Variants in VPS41 observed in about 807,000 individuals in gnomAD.
The protein encoded by VPS41 is vacuolar protein sorting-associated protein 41 homolog.
VPS41 carries 85 observed loss-of-function variants against 130.9 expected under a neutral mutation model. The ratio of observed to expected loss-of-function variants is 0.65; its 90% CI spans 0.55 to 0.78. VPS41 has a LOEUF of 0.78. Among genes scored for constraint, VPS41 ranks in the 30% least tolerant of loss-of-function variants. VPS41 has a pLI of 0.00. For synonymous variants in VPS41, 335 were observed against 332.9 expected (o/e 1.01, Z -0.07); for missense variants, 874 against 1,018.7 (o/e 0.86, Z 1.93).
rs190854225 is a variant in VPS41, at chr7:38,802,623, C to T, written c.451-5759G>A. Among the ~76,000 whole-genome samples the T allele has an allele frequency of 8.5e-5, 13 of 152,260 alleles. No individual in the cohort carries two copies. The East Asian group carries it at 2.1e-3, about 25-fold the overall frequency. ...TTTCTGACAAGAATGCCAAGGAAAG[C>T]TTTGCTTTGGTGATTTAAGAAAACA... is the stretch of plus-strand genomic sequence containing the variant. On this transcript the variant is annotated intron_variant, in intron 7 of 28. Transcript: ENST00000310301.
chr7:38,748,899 T>G (rs543106892), intron 22 of VPS41, among the ~76,000 whole-genome samples: 1 of 152,258 alleles, frequency 6.6e-6, no homozygotes, highest in East Asian at 1.9e-4. Flanking sequence ...TCCCTAAGAC[T>G]TGGCTTGTCA....
chr7:38,907,710 T>C (rs1032723782), intron 1 of VPS41, among the ~76,000 whole-genome samples: 2 of 152,224 alleles, frequency 1.3e-5, no homozygotes, highest in Non-Finnish European at 2.9e-5. Context: ...TAGGTTTTTT[T>C]CAATGGAAGA....
intron 7 of VPS41, among the ~76,000 whole-genome samples, chr7:38,815,237 A>T (rs1441442215): frequency 6.6e-6 from 1 of 152,110 alleles, no homozygotes; most frequent in Admixed American, 6.5e-5. Context: ...CAGCCTGGCC[A>T]ACATGGTAAA....
intron 10 of VPS41, among the ~76,000 whole-genome samples, chr7:38,785,064 T>C (rs940849046): frequency 2.6e-5 from 4 of 152,174 alleles, no homozygotes; most frequent in African/African-American, 4.8e-5. Context: ...TGAAAATGCA[T>C]TGAGGGCCCT....
chr7:38,861,648 A>G (rs1786116548), intron 4 of VPS41, among the ~76,000 whole-genome samples: 1 of 152,312 alleles, frequency 6.6e-6, no homozygotes, highest in Admixed American at 6.5e-5. Flanking sequence ...TCTCCTTTCT[A>G]AACTATATCA....
At position 38,829,983 on chromosome 7, in the gene VPS41, G is replaced by A. The variant is rs1415772730; in HGVS notation, c.321+271C>T. Among the ~76,000 whole-genome samples the A allele has an allele frequency of 2.6e-5, 4 of 152,310 alleles. No individual in the cohort carries two copies. The East Asian group carries it at 5.8e-4, about 22-fold the overall frequency. ...CTAGTCACTGAAGCAGAAGTGGCAC[G>A]GTAGTAATGATTAAGGTGACACGTC... is the stretch of plus-strand genomic sequence containing the variant. On this transcript the variant is annotated intron_variant, in intron 5 of 28. Transcript: ENST00000310301.
chr7:38,766,564 A>G (rs969811641), intron 15 of VPS41, among the ~76,000 whole-genome samples: 3 of 152,226 alleles, frequency 2.0e-5, no homozygotes, highest in African/African-American at 7.2e-5. Context: ...CCTTTAGGAC[A>G]AAAGGCAGAC....
At chr7:38,757,295 G>T (rs1562574245) in intron 18 of VPS41, among the ~76,000 whole-genome samples, 1 of 152,084 alleles carries the variant, frequency 6.6e-6, no homozygotes, top group Admixed American at 6.5e-5. Context: ...AAGAAACTAG[G>T]ATCCAGGATG....
intron 5 of VPS41, among the ~76,000 whole-genome samples, chr7:38,822,973 T>C (rs1398650920): frequency 6.6e-6 from 1 of 152,190 alleles, no homozygotes; most frequent in Admixed American, 6.5e-5. Flanking sequence ...GTCTTTCTAG[T>C]CTCTAGTATA....
At chr7:38,745,835 A>C in intron 22 of VPS41, 1 of 474,984 alleles carries the variant, frequency 2.1e-6, no homozygotes, top group Non-Finnish European at 3.7e-6. Flanking sequence ...ATTTGAAGCT[A>C]CTCAGAACAT....
At chr7:38,762,985 C>T (rs2115778344) in intron 17 of VPS41, among the ~76,000 whole-genome samples, 1 of 152,170 alleles carries the variant, frequency 6.6e-6, no homozygotes, top group South Asian at 2.1e-4. Flanking sequence ...CAATCATGTG[C>T]AATAACTGTA....
intron 3 of VPS41, among the ~76,000 whole-genome samples, chr7:38,863,693 G>T (rs1190540448): frequency 1.3e-5 from 2 of 152,106 alleles, no homozygotes; most frequent in Non-Finnish European, 2.9e-5. Flanking sequence ...GAAGAAAAAA[G>T]TCCCCAGGGT....
chr7:38,799,489 G>T (rs543547692), intron 7 of VPS41, among the ~76,000 whole-genome samples: 1 of 152,006 alleles, frequency 6.6e-6, no homozygotes, highest in Non-Finnish European at 1.5e-5. Context: ...AGATTTAAAA[G>T]TTAATAATGA....
At chr7:38,777,548 A>C (rs1784282264) in intron 10 of VPS41, among the ~76,000 whole-genome samples, 1 of 152,140 alleles carries the variant, frequency 6.6e-6, no homozygotes, top group Non-Finnish European at 1.5e-5. Context: ...TAAGAGACTG[A>C]GATTGGGAGT....
At chr7:38,806,938 C>T (rs1265770003) in intron 7 of VPS41, among the ~76,000 whole-genome samples, 1 of 152,160 alleles carries the variant, frequency 6.6e-6, no homozygotes, top group Non-Finnish European at 1.5e-5. Context: ...CATGAAGGAC[C>T]AGGACAGAAG....
chr7:38,908,941 T>G (rs1787327591), intron 1 of VPS41, among the ~76,000 whole-genome samples: 1 of 152,046 alleles, frequency 6.6e-6, no homozygotes, highest in Non-Finnish European at 1.5e-5. Context: ...AACGCGGGGG[T>G]GTGTCAGAGC....
intron 22 of VPS41, among the ~76,000 whole-genome samples, chr7:38,748,653 T>C (rs1464678089): frequency 6.6e-6 from 1 of 151,510 alleles, no homozygotes; most frequent in African/African-American, 2.4e-5. Flanking sequence ...ATTTGCAAAA[T>C]GAAAACCAGT....
intron 14 of VPS41, among the ~76,000 whole-genome samples, chr7:38,770,375 A>T (rs1180554737): frequency 6.6e-6 from 1 of 150,926 alleles, no homozygotes; most frequent in Non-Finnish European, 1.5e-5. Flanking sequence ...GCCGGAATGC[A>T]TTCTCTTCCA....
chr7:38,795,942 A>G (rs892009254), intron 8 of VPS41, among the ~76,000 whole-genome samples: 2 of 152,210 alleles, frequency 1.3e-5, no homozygotes, highest in African/African-American at 4.8e-5. Context: ...TTCCACCATG[A>G]AAAATGAAGT....
Sources: allele counts gnomAD v4.1 joint callset (sites outside exome capture counted in the v4.1 genomes callset), GRCh38; gene constraint gnomAD v4.1.1; transcripts MANE v1.5; gene names NCBI Gene and HGNC (gene_info 2026-07-23, HGNC 2026-07-21).